CNTN4: variants seen among roughly 807,000 people sequenced by gnomAD.
CNTN4 encodes the protein contactin 4.
In CNTN4, 77 loss-of-function variants were observed where a neutral mutation model predicts 122.5. That is an observed-to-expected ratio of 0.63 (90% CI 0.52 to 0.76). The LOEUF is 0.76. CNTN4 is among the 30% of genes least tolerant of loss of function. The probability of loss-of-function intolerance (pLI) is 0.00; values close to 1 mark genes in which losing one functional copy is unlikely to be tolerated. For missense variants in CNTN4, 1,256 were observed against 1,259.1 expected (o/e 1.00, Z 0.04); for synonymous variants, 512 against 447.0 (o/e 1.15, Z -1.83).
chr3:2,127,362 AT>A, intron 2 of CNTN4, among the ~76,000 whole-genome samples: 1 of 152,094 alleles, frequency 6.6e-6, no homozygotes, highest in East Asian at 1.9e-4. Context: ...CTTTTATTCA[AT>A]TTTTTAATAA....
chr3:2,909,890 A>C (rs2094280854), intron 12 of CNTN4, among the ~76,000 whole-genome samples: 1 of 152,212 alleles, frequency 6.6e-6, no homozygotes, highest in South Asian at 2.1e-4. Flanking sequence ...CCACCGTTTG[A>C]GAACCACTAT....
chr3:2,830,606 G>A (rs2093083334), intron 7 of CNTN4, among the ~76,000 whole-genome samples: 1 of 152,182 alleles, frequency 6.6e-6, no homozygotes, highest in Non-Finnish European at 1.5e-5. Flanking sequence ...TGCTACCAGG[G>A]ATGTACTAGC....
At chr3:3,019,915 G>A (rs1698142046) in intron 14 of CNTN4, among the ~76,000 whole-genome samples, 1 of 151,192 alleles carries the variant, frequency 6.6e-6, no homozygotes, top group African/African-American at 2.4e-5. Flanking sequence ...GAAGGTGAAA[G>A]AGTTCTTTGT....
At chr3:2,357,843 AT>A (rs1204075779) in intron 3 of CNTN4, among the ~76,000 whole-genome samples, 1 of 152,238 alleles carries the variant, frequency 6.6e-6, no homozygotes, top group Non-Finnish European at 1.5e-5. Flanking sequence ...TGTATTTGGT[AT>A]CAGGCTTTAA....
chr3:2,778,050 TA>T (rs1446345366), intron 6 of CNTN4, among the ~76,000 whole-genome samples: 1 of 150,484 alleles, frequency 6.6e-6, no homozygotes, highest in Admixed American at 6.6e-5. Context: ...CCGTCTCTAC[TA>T]AAAATACAAA....
At chr3:2,816,271 G>A (rs918775082) in intron 6 of CNTN4, among the ~76,000 whole-genome samples, 6 of 147,986 alleles carry the variant, frequency 4.1e-5, no homozygotes, top group South Asian at 2.1e-4. Flanking sequence ...GGAGAATGGC[G>A]TGAACCCAGG....
intron 13 of CNTN4, among the ~76,000 whole-genome samples, chr3:2,985,915 T>A (rs904136940): frequency 7.6e-6 from 1 of 132,238 alleles, no homozygotes; most frequent in Non-Finnish European, 1.6e-5. Flanking sequence ...GAGAATACTT[T>A]TTTTTTTTTT....
At chr3:2,668,151 G>A (rs988566823) in intron 4 of CNTN4, among the ~76,000 whole-genome samples, 3 of 152,082 alleles carry the variant, frequency 2.0e-5, no homozygotes, top group Non-Finnish European at 4.4e-5. Flanking sequence ...AGCTTGATGG[G>A]GATGGCATGG....
At chr3:2,360,522 C>A (rs909536644) in intron 3 of CNTN4, among the ~76,000 whole-genome samples, 1 of 152,100 alleles carries the variant, frequency 6.6e-6, no homozygotes, top group African/African-American at 2.4e-5. Context: ...AGTCCATTTT[C>A]ATGCTGCTAT....
At chr3:2,674,457 C>G (rs2084720109) in intron 4 of CNTN4, among the ~76,000 whole-genome samples, 1 of 152,190 alleles carries the variant, frequency 6.6e-6, no homozygotes, top group Middle Eastern at 3.4e-3. Flanking sequence ...TGAAAATATG[C>G]AAGAAATTGT....
At chr3:2,669,597 T>C (rs1468951306) in intron 4 of CNTN4, among the ~76,000 whole-genome samples, 1 of 152,210 alleles carries the variant, frequency 6.6e-6, no homozygotes, top group East Asian at 1.9e-4. Flanking sequence ...TCTCCTTCAG[T>C]TCTGCTCTGA....
chr3:2,181,807 A>C (rs960991034), intron 2 of CNTN4, among the ~76,000 whole-genome samples: 5 of 152,134 alleles, frequency 3.3e-5, no homozygotes, highest in Admixed American at 1.3e-4. Flanking sequence ...ATGAAAATAA[A>C]TTCCCGGTCA....
chr3:2,980,044 G>T (rs1364423588), intron 13 of CNTN4, among the ~76,000 whole-genome samples: 1 of 152,166 alleles, frequency 6.6e-6, no homozygotes, highest in Non-Finnish European at 1.5e-5. Flanking sequence ...TGTGTCCCCA[G>T]ACTGGTTTTG....
At chr3:2,737,325 C>G (rs2089182655) in intron 5 of CNTN4, among the ~76,000 whole-genome samples, 1 of 152,254 alleles carries the variant, frequency 6.6e-6, no homozygotes, top group East Asian at 1.9e-4. Context: ...AAGTGATCTG[C>G]CCGCCTCGGC....
chr3:2,438,016 G>T (rs1465466383), intron 3 of CNTN4, among the ~76,000 whole-genome samples: 1 of 152,126 alleles, frequency 6.6e-6, no homozygotes, highest in Non-Finnish European at 1.5e-5. Flanking sequence ...ATGAGGGGAT[G>T]CCCTGCCTCC....
intron 4 of CNTN4, among the ~76,000 whole-genome samples, chr3:2,712,446 G>A (rs1161736160): frequency 6.6e-6 from 1 of 152,134 alleles, no homozygotes; most frequent in East Asian, 1.9e-4. Context: ...CCATTGCAGG[G>A]TTCATGATTA....
At chr3:2,497,086 G>A (rs898406031) in intron 3 of CNTN4, among the ~76,000 whole-genome samples, 2 of 152,164 alleles carry the variant, frequency 1.3e-5, no homozygotes, top group Admixed American at 6.5e-5. Flanking sequence ...TGGAAACAAC[G>A]TCACAGAGAC....
At chr3:2,597,110 A>G (rs73110669) in intron 4 of CNTN4, among the ~76,000 whole-genome samples, 14,694 of 152,166 alleles carry the variant, frequency 0.097, 753 homozygotes, top group South Asian at 0.14. Context: ...TAGTTTGCAA[A>G]TGCTGCAGCA....
In CNTN4 at chr3:2,385,364, T is replaced by C. The variant is rs1177624413; in HGVS notation, c.-89+46131T>C. ...TACTCTTGTTGCACTGAATAACCTATTAGCATACTTAAGGCAGAGTCTTTG... is the reference window on the plus strand; with the variant it reads ...TACTCTTGTTGCACTGAATAACCTACTAGCATACTTAAGGCAGAGTCTTTG... On this transcript the variant is annotated intron_variant, in intron 3 of 24. Transcript: ENST00000418658. This position sits in a 1 kb window ranked among gnomAD's most constrained non-coding sequence, Gnocchi z 4.0. 6.6e-6 allele frequency among the ~76,000 whole-genome samples: 1 copy of C among 152,112 alleles called. No homozygotes were observed. Among genetic ancestry groups the C allele is most frequent in the Non-Finnish European group, 1.5e-5 (1 of 68,032 alleles).
Sources: allele counts gnomAD v4.1 joint callset (sites outside exome capture counted in the v4.1 genomes callset), GRCh38; gene constraint gnomAD v4.1.1; non-coding constraint Gnocchi (gnomAD v3.1); transcripts MANE v1.5; gene names NCBI Gene and HGNC (gene_info 2026-07-23, HGNC 2026-07-21).